The following TAF4 variants were observed in gnomAD, a reference collection of about 807,000 sequenced individuals.
TAF4 encodes TATA-box binding protein associated factor 4.
Under a neutral mutation model 90.3 loss-of-function variants are expected in TAF4, and 9 were observed. The ratio of observed to expected loss-of-function variants is 0.10; its 90% CI spans 0.06 to 0.17. TAF4 has a LOEUF of 0.17. Ranked by LOEUF, TAF4 falls within the 10% of genes least tolerant of loss-of-function variation. TAF4 has a pLI of 1.00. For synonymous variants in TAF4, 818 were observed against 638.9 expected (o/e 1.28, Z -4.23); for missense variants, 1,351 against 1,370.7 (o/e 0.99, Z 0.23).
At chr20:62,052,123 C>T (rs1041317290) in intron 1 of TAF4, among the ~76,000 whole-genome samples, 1 of 152,126 alleles carries the variant, frequency 6.6e-6, no homozygotes, top group African/African-American at 2.4e-5. Flanking sequence ...CAGACGTGCC[C>T]AGGCCAACCA....
In TAF4 at chr20:62,065,254, GGGCCA is replaced by G. The variant is rs1275742738; in HGVS notation, c.552_556del (p.Gly185TrpfsTer275). The G allele has an allele frequency of 9.6e-3, 71 of 7,414 alleles. No individual in the cohort carries two copies. Among genetic ancestry groups the G allele is most frequent in the Middle Eastern group, 0.045 (1 of 22 alleles). The allele number at this position is 7,414 out of a possible 1,614,324, so 0.5% of individuals were successfully genotyped here. On this transcript the variant is annotated frameshift_variant, in exon 1 of 15. Coordinates refer to ENST00000252996, the MANE Select transcript of TAF4 (RefSeq NM_003185.4). LOFTEE classifies it high-confidence loss of function. ...GGCGCCGGGGCCGGCGGGCTTGCCA[GGGCCA>G]GGGCCGGGGCCGGGGCCGGGGCCGG... is the stretch of plus-strand genomic sequence containing the variant.
At chr20:62,026,651 G>C (rs1017241900) in intron 1 of TAF4, among the ~76,000 whole-genome samples, 1 of 152,192 alleles carries the variant, frequency 6.6e-6, no homozygotes, top group Non-Finnish European at 1.5e-5. Flanking sequence ...AGGCTCCGCA[G>C]AAACACGAAT....
At chr20:61,992,653 C>T (rs1170044298) in intron 14 of TAF4, among the ~76,000 whole-genome samples, 1 of 152,186 alleles carries the variant, frequency 6.6e-6, no homozygotes, top group East Asian at 1.9e-4. Context: ...GGCCAACCCA[C>T]CCCAGCAGCA....
intron 1 of TAF4, among the ~76,000 whole-genome samples, chr20:62,055,680 G>A (rs1268408764): frequency 1.3e-5 from 2 of 152,238 alleles, no homozygotes; most frequent in Non-Finnish European, 2.9e-5. Context: ...CCTGGATACA[G>A]GTCCCAGCTG....
intron 14 of TAF4, among the ~76,000 whole-genome samples, chr20:61,977,793 A>G (rs1272416700): frequency 2.6e-5 from 4 of 152,200 alleles, no homozygotes; most frequent in African/African-American, 9.6e-5. Context: ...AGGCGAGGTG[A>G]GTGACAGTTT....
intron 1 of TAF4, among the ~76,000 whole-genome samples, chr20:62,050,983 G>A (rs1436760607): frequency 6.6e-6 from 1 of 152,186 alleles, no homozygotes; most frequent in African/African-American, 2.4e-5. Flanking sequence ...GCTCAGAGCT[G>A]GGAAGAAAAC....
chr20:62,064,800 C>CGCCGCA lies in TAF4; in HGVS notation c.1005_1010dup (p.Ala336_Ala337dup), dbSNP rs1173364226. 6.0e-6 allele frequency: 6 copies of CGCCGCA among 997,062 alleles called. No individual in the cohort carries two copies. The highest frequency in any genetic ancestry group is 6.0e-6 in the Non-Finnish European group (5 of 840,284). 61.8% of individuals were successfully genotyped at this position (997,062 alleles called of 1,614,324 possible). On this transcript the variant is annotated inframe_insertion, in exon 1 of 15. Coordinates refer to ENST00000252996, the MANE Select transcript of TAF4 (RefSeq NM_003185.4). ...ACTCGGCCTTGACCCCCGGCGCCGG[C>CGCCGCA]GCCGCAGCCGCCGCGCCGGGCCCGG...
chr20:62,018,491 GAA>G (rs900640189), intron 1 of TAF4, among the ~76,000 whole-genome samples: 2 of 152,246 alleles, frequency 1.3e-5, no homozygotes, highest in African/African-American at 4.8e-5. Flanking sequence ...CCTGACCTAC[GAA>G]AGGCAGCCGC....
chr20:62,002,589 G>A (rs1007743096), intron 9 of TAF4, among the ~76,000 whole-genome samples: 8 of 152,140 alleles, frequency 5.3e-5, no homozygotes, highest in African/African-American at 1.9e-4. Flanking sequence ...CTCCTGGGCA[G>A]AAGTGATCCT....
chr20:62,003,394 T>C, intron 8 of TAF4, 120 bp from the exon 9 acceptor site: 1 of 796,328 alleles, frequency 1.3e-6, no homozygotes. Context: ...CAAGAAAGTT[T>C]CCAAAAACTT....
At chr20:62,021,087 C>T (rs1033849130) in intron 1 of TAF4, among the ~76,000 whole-genome samples, 2 of 152,144 alleles carry the variant, frequency 1.3e-5, no homozygotes, top group Non-Finnish European at 1.5e-5. Context: ...TCCACAGAAA[C>T]GGGAAGAGAT....
intron 1 of TAF4, among the ~76,000 whole-genome samples, chr20:62,028,725 A>G (rs1448798673): frequency 6.6e-6 from 1 of 152,186 alleles, no homozygotes; most frequent in Non-Finnish European, 1.5e-5. Flanking sequence ...GCCTTCAGTG[A>G]GGCTGGCATC....
chr20:62,017,970 A>T (rs2055821958), intron 1 of TAF4, among the ~76,000 whole-genome samples: 1 of 151,678 alleles, frequency 6.6e-6, no homozygotes, highest in South Asian at 2.1e-4. Context: ...AAGTGTAGGG[A>T]AACAGCCATG....
At chr20:62,007,980 T>C in intron 5 of TAF4, 1 of 202,076 alleles carries the variant, frequency 4.9e-6, no homozygotes, top group African/African-American at 2.4e-5. Context: ...CAGATCAGCC[T>C]AAAAGTAACT....
At chr20:61,984,200 C>A (rs3787425) in intron 14 of TAF4, among the ~76,000 whole-genome samples, 1 of 152,058 alleles carries the variant, frequency 6.6e-6, no homozygotes, top group South Asian at 2.1e-4. Flanking sequence ...CTCAGCCCTA[C>A]GCACCCACAG....
At chr20:62,013,729 C>A (rs2055792909) in intron 2 of TAF4, among the ~76,000 whole-genome samples, 1 of 152,192 alleles carries the variant, frequency 6.6e-6, no homozygotes, top group South Asian at 2.1e-4. Flanking sequence ...CAGGGAAACA[C>A]GGCAGGAGAC....
At chr20:62,002,594 G>C (rs1453558876) in intron 9 of TAF4, among the ~76,000 whole-genome samples, 1 of 152,188 alleles carries the variant, frequency 6.6e-6, no homozygotes, top group Non-Finnish European at 1.5e-5. Flanking sequence ...GGGCAGAAGT[G>C]ATCCTCCTGC....
intron 1 of TAF4, among the ~76,000 whole-genome samples, chr20:62,039,501 G>A (rs911053887): frequency 1.3e-5 from 2 of 152,164 alleles, no homozygotes; most frequent in Non-Finnish European, 2.9e-5. Flanking sequence ...TGTACCTTGG[G>A]TTAGGCAAAA....
chr20:61,989,513 G>C (rs6089586), intron 14 of TAF4, among the ~76,000 whole-genome samples: 54,080 of 135,906 alleles, frequency 0.4, 10,709 homozygotes, highest in Non-Finnish European at 0.5. Flanking sequence ...GAGGGATCCC[G>C]GCACCCACAG....
Sources: allele counts gnomAD v4.1 joint callset (sites outside exome capture counted in the v4.1 genomes callset), GRCh38; gene constraint gnomAD v4.1.1; transcripts MANE v1.5; gene names NCBI Gene and HGNC (gene_info 2026-07-23, HGNC 2026-07-21).